RBFOX1: variants seen among roughly 807,000 people sequenced by gnomAD.
RBFOX1 encodes the protein RNA binding fox-1 homolog 1, also known as RNA binding protein fox-1 homolog 1.
A neutral mutation model predicts 57.7 loss-of-function variants in RBFOX1; 8 were observed. That is an observed-to-expected ratio of 0.14 (90% confidence interval 0.08 to 0.25). The LOEUF (loss-of-function observed/expected upper bound fraction) is 0.25. Among genes scored for constraint, RBFOX1 ranks in the 10% least tolerant of loss-of-function variants. The pLI, the probability that RBFOX1 is intolerant of heterozygous loss-of-function variation, is 1.00. For synonymous variants in RBFOX1, 326 were observed against 222.4 expected (o/e 1.47, Z -4.15); for missense variants, 611 against 548.5 (o/e 1.11, Z -1.14).
rs182496270 is a variant in RBFOX1 at position 7,032,544 on chromosome 16, A to T, written c.-15-19513A>T. Reference sequence around the variant, plus strand: ...CATGAGCAAATTACAGATCAGCTAAATCTTATGTGGGAACATCTCCCCATC... The same window carrying T: ...CATGAGCAAATTACAGATCAGCTAATTCTTATGTGGGAACATCTCCCCATC... On this transcript the variant is annotated intron_variant, in intron 3 of 15. Coordinates refer to ENST00000550418, the MANE Select transcript of RBFOX1 (RefSeq NM_018723.4). 4.0e-3 allele frequency among the ~76,000 whole-genome samples: 613 copies of T among 152,188 alleles called. 5 individuals are homozygous for T. Among genetic ancestry groups the T allele is most frequent in the African/African-American group, 0.013 (559 of 41,560 alleles).
chr16:6,371,971 T>C (rs1175032421), intron 2 of RBFOX1, among the ~76,000 whole-genome samples: 1 of 152,166 alleles, frequency 6.6e-6, no homozygotes, highest in Non-Finnish European at 1.5e-5. Flanking sequence ...TGTATCCCCA[T>C]TGCCTAGGAA....
At chr16:7,368,697 G>A (rs1188753004) in intron 4 of RBFOX1, among the ~76,000 whole-genome samples, 2 of 151,560 alleles carry the variant, frequency 1.3e-5, no homozygotes, top group African/African-American at 4.8e-5. Flanking sequence ...GGAGCATGGC[G>A]TGAACCTGGG....
chr16:7,384,619 C>T (rs2097847208), intron 4 of RBFOX1, among the ~76,000 whole-genome samples: 1 of 152,098 alleles, frequency 6.6e-6, no homozygotes, highest in African/African-American at 2.4e-5. Context: ...GAGTGAACAG[C>T]TTTGCAGGCC....
At chr16:5,483,171 C>T (rs1381698873) in intron 2 of RBFOX1, among the ~76,000 whole-genome samples, 2 of 152,286 alleles carry the variant, frequency 1.3e-5, no homozygotes, top group African/African-American at 2.4e-5. Context: ...TTCTCATCCT[C>T]GGAGTCCAGA....
intron 3 of RBFOX1, among the ~76,000 whole-genome samples, chr16:6,827,578 G>C (rs541433736): frequency 6.6e-6 from 1 of 152,118 alleles, no homozygotes; most frequent in Non-Finnish European, 1.5e-5. Context: ...ACTGAAATCC[G>C]TCTCAGAGGG....
intron 2 of RBFOX1, among the ~76,000 whole-genome samples, chr16:6,342,851 A>T (rs2084777528): frequency 6.6e-6 from 1 of 152,156 alleles, no homozygotes; most frequent in African/African-American, 2.4e-5. Context: ...ATTTGGTGTG[A>T]GAGGAATGCT....
chr16:7,710,360 T>G (rs190504220), intron 15 of RBFOX1: 571 of 1,298,696 alleles, frequency 4.4e-4, no homozygotes, highest in Non-Finnish European at 5.4e-4. Flanking sequence ...ATCCTTCCAT[T>G]GTCCAGCTTA....
At chr16:7,237,731 T>C (rs906157899) in intron 4 of RBFOX1, among the ~76,000 whole-genome samples, 1 of 152,212 alleles carries the variant, frequency 6.6e-6, no homozygotes, top group African/African-American at 2.4e-5. Context: ...TGGCCGACTG[T>C]GTGGTGGCTC....
intron 4 of RBFOX1, among the ~76,000 whole-genome samples, chr16:7,214,013 G>GA (rs1208775367): frequency 6.6e-6 from 1 of 151,896 alleles, no homozygotes; most frequent in Non-Finnish European, 1.5e-5. Flanking sequence ...AGGTGGGAAG[G>GA]AATTTGACCT....
At chr16:7,099,267 C>G (rs989089943) in intron 4 of RBFOX1, among the ~76,000 whole-genome samples, 2 of 152,264 alleles carry the variant, frequency 1.3e-5, no homozygotes, top group East Asian at 1.9e-4. Context: ...AGAGATCACT[C>G]TAGCTGCAGT....
rs1445224106 is a variant in RBFOX1, at chr16:6,534,419, C to T, written c.-63-120184C>T. 2.0e-5 allele frequency among the ~76,000 whole-genome samples: 3 copies of T among 152,120 alleles called. No homozygotes were observed. In the South Asian group the frequency reaches 6.2e-4, roughly 32 times the overall value. ...GGAATTCAGGATAGTGATTGTCTTT[C>T]ACCCGCTAAGATGCCTCTTCAGTTT... On this transcript the variant is annotated intron_variant, in intron 2 of 15. Coordinates refer to ENST00000550418, the MANE Select transcript of RBFOX1 (RefSeq NM_018723.4).
At chr16:7,381,352 A>G (rs1013283084) in intron 4 of RBFOX1, among the ~76,000 whole-genome samples, 10 of 152,202 alleles carry the variant, frequency 6.6e-5, no homozygotes, top group Non-Finnish European at 8.8e-5. Context: ...GTATAGTACT[A>G]TAAGTAATTA....
At position 7,191,838 on chromosome 16, in the gene RBFOX1, G is replaced by A. The variant is rs775219917; in HGVS notation, c.27+139740G>A. 4.6e-5 allele frequency among the ~76,000 whole-genome samples: 7 copies of A among 152,178 alleles called. No individual in the cohort carries two copies. The South Asian group carries it at 6.2e-4, about 14-fold the overall frequency. On this transcript the variant is annotated intron_variant, in intron 4 of 15. Coordinates refer to ENST00000550418, the MANE Select transcript of RBFOX1 (RefSeq NM_018723.4). ...TCTAACCATTGAGGCGAAAGAGTCC[G>A]TTTGGTTTTATTAACCATCACCAGG...
chr16:5,520,325 G>A (rs1030512273), intron 2 of RBFOX1, among the ~76,000 whole-genome samples: 2 of 152,194 alleles, frequency 1.3e-5, no homozygotes, highest in Non-Finnish European at 2.9e-5. Context: ...GAAATGGCTT[G>A]AAGTCCAGCA....
chr16:6,278,315 G>C (rs1164730206), intron 1 of RBFOX1, among the ~76,000 whole-genome samples: 1 of 127,192 alleles, frequency 7.9e-6, no homozygotes, highest in African/African-American at 3.0e-5. Context: ...TCCTTGCCCT[G>C]CAAGGTTCCT....
chr16:6,141,528 G>C (rs1285715819), intron 1 of RBFOX1, among the ~76,000 whole-genome samples: 1 of 152,000 alleles, frequency 6.6e-6, no homozygotes, highest in Non-Finnish European at 1.5e-5. Context: ...ACTGCTCTAA[G>C]TTCCATTCAA....
intron 4 of RBFOX1, among the ~76,000 whole-genome samples, chr16:7,124,129 C>T (rs565767848): frequency 3.2e-4 from 49 of 152,296 alleles, no homozygotes; most frequent in Non-Finnish European, 4.4e-4. Context: ...GAGTTTTCAA[C>T]GAACTTGTAC....
At chr16:6,297,762 CA>C (rs2078298656) in intron 1 of RBFOX1, among the ~76,000 whole-genome samples, 1 of 152,074 alleles carries the variant, frequency 6.6e-6, no homozygotes, top group South Asian at 2.1e-4. Flanking sequence ...GGCAGAATGG[CA>C]TGGCAGAAAG....
rs1221709741 is a variant in RBFOX1 at position 6,856,915 on chromosome 16, AAGAG to A, written c.-15-195140_-15-195137del. Among the ~76,000 whole-genome samples, 4 of 152,148 alleles carry A rather than the reference AAGAG, an allele frequency of 2.6e-5. No individual in the cohort carries two copies. The South Asian group carries it at 6.2e-4, about 24-fold the overall frequency. On this transcript the variant is annotated intron_variant, in intron 3 of 15. Transcript: ENST00000550418. ...GAGACAGAGAAAGGGAAAAGAAAGAAAGAGAAAGAGAAGGAAAGAAAACGAACGG... is the reference window on the plus strand; with the variant it reads ...GAGACAGAGAAAGGGAAAAGAAAGAAAAAGAGAAGGAAAGAAAACGAACGG...
Sources: gnomAD v4.1 joint callset for allele counts (sites outside exome capture counted in the v4.1 genomes callset) on GRCh38, gnomAD v4.1.1 for gene constraint, MANE v1.5 for transcripts, NCBI Gene and HGNC (gene_info 2026-07-23, HGNC 2026-07-21) for gene names.